The following WASF1 variants were observed in gnomAD, a reference collection of about 807,000 sequenced individuals.
The protein encoded by WASF1 is WASP family member 1, also known as actin-binding protein WASF1.
WASF1 carries 7 observed loss-of-function variants against 50.5 expected under a neutral mutation model. The observed-to-expected ratio is 0.14, with a 90% CI of 0.08 to 0.26. The LOEUF is 0.26. Among genes scored for constraint, WASF1 ranks in the 10% least tolerant of loss-of-function variants. The pLI is 1.00. For missense variants in WASF1, 470 were observed against 694.7 expected (o/e 0.68, Z 3.64); for synonymous variants, 205 against 244.0 (o/e 0.84, Z 1.49).
At chr6:110,116,425 T>C (rs1414904898) in intron 4 of WASF1, among the ~76,000 whole-genome samples, 1 of 152,142 alleles carries the variant, frequency 6.6e-6, no homozygotes, top group African/African-American at 2.4e-5. Context: ...AGAGCCTTGA[T>C]CACTGCTAGT....
intron 8 of WASF1, 149 bp downstream of exon 8, chr6:110,105,258 G>T: frequency 2.4e-6 from 2 of 830,054 alleles, no homozygotes; most frequent in Non-Finnish European, 3.5e-6. Context: ...ACTTTAGTAG[G>T]CTCACAGTGG....
chr6:110,112,390 C>T (rs1773596598), intron 5 of WASF1, among the ~76,000 whole-genome samples: 2 of 152,022 alleles, frequency 1.3e-5, no homozygotes, highest in Admixed American at 6.6e-5. Flanking sequence ...CGTCGGCATT[C>T]AATGTATTCT....
chr6:110,165,761 T>C (rs1776450650), intron 2 of WASF1, among the ~76,000 whole-genome samples: 2 of 151,736 alleles, frequency 1.3e-5, no homozygotes. Context: ...ATCAGCAGCA[T>C]CAACATCACC....
intron 3 of WASF1, among the ~76,000 whole-genome samples, chr6:110,154,428 T>C (rs559377172): frequency 1.4e-4 from 22 of 152,200 alleles, no homozygotes; most frequent in East Asian, 5.8e-4. Context: ...CTAAAATATA[T>C]TAATACAGGC....
chr6:110,146,744 C>A (rs6927667), intron 3 of WASF1, among the ~76,000 whole-genome samples: 35,290 of 151,900 alleles, frequency 0.23, 6,230 homozygotes, highest in African/African-American at 0.5. Context: ...AACTGAAGTT[C>A]AAAATAACTT....
intron 3 of WASF1, 145 bp downstream of exon 3, chr6:110,160,490 C>T (rs1381136014): frequency 6.6e-6 from 1 of 151,778 alleles, no homozygotes; most frequent in East Asian, 1.9e-4. Context: ...TGTCCCTACA[C>T]ACTTAATTTT....
chr6:110,132,963 T>TAC (rs142466639), intron 3 of WASF1, among the ~76,000 whole-genome samples: 8,627 of 129,984 alleles, frequency 0.066, 328 homozygotes, highest in Middle Eastern at 0.11. Context: ...CCATGGTGTA[T>TAC]ACACACACAC....
chr6:110,120,880 C>T (rs1339584112), intron 4 of WASF1, among the ~76,000 whole-genome samples: 2 of 152,130 alleles, frequency 1.3e-5, no homozygotes, highest in Non-Finnish European at 1.5e-5. Flanking sequence ...AGAAATAACA[C>T]CACACATCTA....
chr6:110,150,492 G>A (rs1775774752), intron 3 of WASF1, among the ~76,000 whole-genome samples: 2 of 152,116 alleles, frequency 1.3e-5, no homozygotes, highest in African/African-American at 4.8e-5. Context: ...AGTCACACTA[G>A]CCACATTTCA....
intron 3 of WASF1, among the ~76,000 whole-genome samples, chr6:110,130,439 C>G (rs1312108103): frequency 6.6e-6 from 1 of 152,102 alleles, no homozygotes; most frequent in Non-Finnish European, 1.5e-5. Flanking sequence ...ACTTTAAACA[C>G]TATAGTTTTG....
intron 4 of WASF1, among the ~76,000 whole-genome samples, chr6:110,119,904 G>A (rs561365285): frequency 5.3e-5 from 8 of 152,042 alleles, no homozygotes; most frequent in East Asian, 1.9e-4. Context: ...ATCAATAAAC[G>A]TAATCCATCA....
At chr6:110,138,364 G>A (rs1412345107) in intron 3 of WASF1, among the ~76,000 whole-genome samples, 1 of 152,252 alleles carries the variant, frequency 6.6e-6, no homozygotes, top group Non-Finnish European at 1.5e-5. Flanking sequence ...AAAGGCCACA[G>A]CTATTTTCAC....
chr6:110,145,815 T>G (rs1775531813), intron 3 of WASF1, among the ~76,000 whole-genome samples: 1 of 151,860 alleles, frequency 6.6e-6, no homozygotes, highest in African/African-American at 2.4e-5. Flanking sequence ...AAATGATGAG[T>G]TCATGTCCTT....
chr6:110,104,386 C>T (rs2114453405), intron 8 of WASF1, among the ~76,000 whole-genome samples: 1 of 152,196 alleles, frequency 6.6e-6, no homozygotes, highest in Non-Finnish European at 1.5e-5. Context: ...AATAGTATCT[C>T]TCAGATGTAT....
intron 3 of WASF1, among the ~76,000 whole-genome samples, chr6:110,146,097 C>T (rs528324387): frequency 1.2e-4 from 19 of 152,122 alleles, no homozygotes; most frequent in African/African-American, 4.3e-4. Flanking sequence ...CAAACCTGCA[C>T]GTTGTGCACA....
chr6:110,122,032 C>T (rs1364661403), intron 4 of WASF1, among the ~76,000 whole-genome samples: 4 of 126,858 alleles, frequency 3.2e-5, no homozygotes, highest in South Asian at 2.6e-4. Flanking sequence ...CCGGGTCTGT[C>T]GGAGGGTCGG....
chr6:110,122,090 C>T (rs886289628), intron 4 of WASF1, among the ~76,000 whole-genome samples: 9 of 151,990 alleles, frequency 5.9e-5, no homozygotes, highest in African/African-American at 1.2e-4. Context: ...ATGTAAATGA[C>T]GAGTTGATGG....
In WASF1 at chr6:110,103,574, G is replaced by A. The variant is rs1470560809; in HGVS notation, c.714-17C>T. 1.9e-6 allele frequency: 3 copies of A among 1,571,928 alleles called. No homozygotes were observed. The South Asian group carries it at 3.5e-5, about 18-fold the overall frequency. ...GTCTGAGGTCTAAAAGAAATATATAGTATCAGTGAATTATTCTTGAATTAT... is the reference window on the plus strand; with the variant it reads ...GTCTGAGGTCTAAAAGAAATATATAATATCAGTGAATTATTCTTGAATTAT... On this transcript the variant is annotated splice_polypyrimidine_tract_variant and intron_variant, in intron 8 of 10. Transcript: ENST00000392589.
intron 5 of WASF1, among the ~76,000 whole-genome samples, chr6:110,111,056 G>A (rs1294459441): frequency 6.6e-6 from 1 of 151,998 alleles, no homozygotes. Flanking sequence ...ACTGTTATCT[G>A]TATTTTCACT....
Sources: allele counts gnomAD v4.1 joint callset (sites outside exome capture counted in the v4.1 genomes callset), GRCh38; gene constraint gnomAD v4.1.1; transcripts MANE v1.5; gene names NCBI Gene and HGNC (gene_info 2026-07-23, HGNC 2026-07-21).